RARB: variants seen among roughly 807,000 people sequenced by gnomAD.
RARB encodes the protein HBV-activated protein.
A neutral mutation model predicts 51.9 loss-of-function variants in RARB; 17 were observed. The ratio of observed to expected loss-of-function variants is 0.33; its 90% CI spans 0.22 to 0.49. The LOEUF is 0.49. Among genes scored for constraint, RARB ranks in the 20% least tolerant of loss-of-function variants. The probability of loss-of-function intolerance (pLI) is 0.99; values close to 1 mark genes in which losing one functional copy is unlikely to be tolerated. For synonymous variants in RARB, 215 were observed against 195.4 expected, an observed-to-expected ratio of 1.10 and a Z score of -0.84; for missense variants, 369 against 550.8, an observed-to-expected ratio of 0.67 and a Z score of 3.30.
chr3:25,070,601 T>C (rs1488286271), intron 3 of RARB, among the ~76,000 whole-genome samples: 1 of 152,182 alleles, frequency 6.6e-6, no homozygotes, highest in African/African-American at 2.4e-5. Context: ...GAGGATACAG[T>C]AGTGATTAGT....
At chr3:25,230,392 T>A (rs931376959) in intron 5 of RARB, among the ~76,000 whole-genome samples, 1 of 152,040 alleles carries the variant, frequency 6.6e-6, no homozygotes, top group African/African-American at 2.4e-5. Context: ...CACTTCCCTT[T>A]TCTCCCACTC....
chr3:25,045,255 G>A (rs1698190048), intron 2 of RARB, among the ~76,000 whole-genome samples: 1 of 152,126 alleles, frequency 6.6e-6, no homozygotes, highest in African/African-American at 2.4e-5. Context: ...CCGAAATGTT[G>A]TGCATTTATA....
chr3:25,046,699 C>T (rs1698224242), intron 2 of RARB, among the ~76,000 whole-genome samples: 4 of 152,166 alleles, frequency 2.6e-5, no homozygotes, highest in Admixed American at 2.6e-4. Context: ...AAGTGATCCT[C>T]CCACCTCGGC....
At chr3:24,914,342 C>G (rs1292871215) in intron 2 of RARB, among the ~76,000 whole-genome samples, 1 of 152,092 alleles carries the variant, frequency 6.6e-6, no homozygotes, top group Non-Finnish European at 1.5e-5. Context: ...AGTTTCAAAG[C>G]TTTTAAAGGT....
intron 3 of RARB, among the ~76,000 whole-genome samples, chr3:25,075,671 C>T (rs1296670433): frequency 1.5e-5 from 1 of 68,170 alleles, no homozygotes; most frequent in Non-Finnish European, 3.4e-5. Context: ...GAATTGTCCT[C>T]AGGAAAAAAA....
chr3:25,358,961 C>T lies in RARB; in HGVS notation c.179-102232C>T, dbSNP rs1325692999. Among the ~76,000 whole-genome samples, 7 of 151,438 alleles carry T rather than the reference C, an allele frequency of 4.6e-5. No individual in the cohort carries two copies. In the East Asian group the frequency reaches 1.4e-3, roughly 29 times the overall value. On this transcript the variant is annotated intron_variant, in intron 5 of 11. Coordinates refer to the RARB transcript ENST00000383772. The stretch of plus-strand genomic sequence containing the variant: ...TTTTCTTTTTTTTTTTTAATCTCTG[C>T]CAGGTTTTGGTATCAGGATGATGCT...
intron 5 of RARB, among the ~76,000 whole-genome samples, chr3:25,348,842 A>C (rs1353782686): frequency 6.6e-6 from 1 of 152,202 alleles, no homozygotes; most frequent in Non-Finnish European, 1.5e-5. Flanking sequence ...GTTTCTGATT[A>C]AGTCGGTCTG....
In RARB at chr3:25,580,383, A is replaced by C. The variant is rs141127060; in HGVS notation, c.610-163A>C. The stretch of plus-strand genomic sequence containing the variant: ...AGCGAGACTCCGTCTCACACACACA[A>C]AAAAAGGATGAATCCAGGCTAAAAA... On this transcript the variant is annotated intron_variant, in intron 4 of 7. Coordinates refer to ENST00000330688, the MANE Select transcript of RARB (RefSeq NM_000965.5). Among the ~76,000 whole-genome samples, 451 of 152,308 alleles carry C rather than the reference A, an allele frequency of 3.0e-3. 1 individual carries two copies. The highest frequency in any genetic ancestry group is 0.01 in the African/African-American group (425 of 41,568).
chr3:25,188,596 C>A (rs75553470), intron 5 of RARB, among the ~76,000 whole-genome samples: 4 of 152,054 alleles, frequency 2.6e-5, no homozygotes, highest in African/African-American at 9.7e-5. Context: ...TCTTTGAAAG[C>A]GGTATCATCT....
upstream of RARB, among the ~76,000 whole-genome samples, chr3:25,426,665 C>G (rs953173947): frequency 6.6e-6 from 1 of 152,216 alleles, no homozygotes; most frequent in Non-Finnish European, 1.5e-5. Flanking sequence ...ACTTGCCTGC[C>G]CTGTTTTGTG....
intron 5 of RARB, among the ~76,000 whole-genome samples, chr3:25,384,053 A>C (rs1706714972): frequency 6.6e-6 from 1 of 152,202 alleles, no homozygotes; most frequent in African/African-American, 2.4e-5. Flanking sequence ...ATTTGGAAGA[A>C]GAAAAAAACA....
At chr3:25,376,770 C>T (rs1040320228) in intron 5 of RARB, among the ~76,000 whole-genome samples, 4 of 152,202 alleles carry the variant, frequency 2.6e-5, no homozygotes, top group Admixed American at 2.6e-4. Flanking sequence ...GATTCCCACA[C>T]CCCTGGTGGA....
At chr3:24,943,058 A>G (rs1002026152) in intron 2 of RARB, among the ~76,000 whole-genome samples, 2 of 152,220 alleles carry the variant, frequency 1.3e-5, no homozygotes, top group African/African-American at 2.4e-5. Context: ...GCCACTGTGG[A>G]TTCTGTGGCA....
intron 2 of RARB, among the ~76,000 whole-genome samples, chr3:24,972,503 C>T (rs966739967): frequency 6.6e-5 from 10 of 151,838 alleles, no homozygotes; most frequent in Non-Finnish European, 1.2e-4. Flanking sequence ...TGGATGTATA[C>T]CATCAGTGGA....
intron 1 of RARB, among the ~76,000 whole-genome samples, chr3:25,446,731 AG>A (rs1319435266): frequency 7.7e-6 from 1 of 130,394 alleles, no homozygotes; most frequent in East Asian, 2.4e-4. Context: ...TGAACCCGGG[AG>A]GCGGAGCTGG....
At chr3:25,007,600 A>AAAAAAAAAAAAAAAACAAAAC (rs1342393781) in intron 2 of RARB, among the ~76,000 whole-genome samples, 2 of 143,260 alleles carry the variant, frequency 1.4e-5, no homozygotes, top group African/African-American at 5.5e-5. Flanking sequence ...CTCAAAAAAA[A>AAAAAAAAAAAAAAAACAAAAC]AAAACAAAAA....
chr3:25,549,613 C>T (rs948825072), intron 3 of RARB, among the ~76,000 whole-genome samples: 2 of 152,086 alleles, frequency 1.3e-5, no homozygotes, highest in Admixed American at 1.3e-4. Context: ...CACCTTGAAA[C>T]ATTAGTGCTT....
At chr3:25,130,581 C>T (rs1699930170) in intron 3 of RARB, among the ~76,000 whole-genome samples, 1 of 151,728 alleles carries the variant, frequency 6.6e-6, no homozygotes, top group Non-Finnish European at 1.5e-5. Flanking sequence ...CTCTTGCAGC[C>T]CTGGATTACA....
chr3:24,872,278 C>T (rs1251923177), intron 2 of RARB, among the ~76,000 whole-genome samples: 1 of 152,166 alleles, frequency 6.6e-6, no homozygotes, highest in African/African-American at 2.4e-5. Context: ...GCACAGAAGG[C>T]AGGCTTCTGC....
Sources: gnomAD v4.1 joint callset for allele counts (sites outside exome capture counted in the v4.1 genomes callset) on GRCh38, gnomAD v4.1.1 for gene constraint, MANE v1.5 for transcripts, NCBI Gene and HGNC (gene_info 2026-07-23, HGNC 2026-07-21) for gene names.